Variants in SP140 observed in about 807,000 individuals in gnomAD.
SP140 encodes the protein nuclear body protein SP140.
A neutral mutation model predicts 125.0 loss-of-function variants in SP140; 81 were observed. The ratio of observed to expected loss-of-function variants is 0.65; its 90% CI spans 0.54 to 0.78. The LOEUF is 0.78. SP140 is among the 30% of genes least tolerant of loss of function. The pLI is 0.00. For synonymous variants in SP140, 312 were observed against 354.0 expected, an observed-to-expected ratio of 0.88 and a Z score of 1.33; for missense variants, 858 against 1,037.0, an observed-to-expected ratio of 0.83 and a Z score of 2.37.
intron 14 of SP140, 112 bp from the exon 15 acceptor site, chr2:230,270,474 G>T: frequency 9.1e-7 from 1 of 1,101,424 alleles, no homozygotes; most frequent in Non-Finnish European, 1.3e-6. Flanking sequence ...AGAGAGGAAT[G>T]ATTATCCAAG....
At chr2:230,220,079 C>T (rs888637492) in intron 3 of SP140, 4 of 985,472 alleles carry the variant, frequency 4.1e-6, no homozygotes, top group Non-Finnish European at 4.8e-6. Context: ...CAGGTCGGTG[C>T]CTGCAGCCTC....
intron 3 of SP140, among the ~76,000 whole-genome samples, chr2:230,217,870 T>C (rs2045397918): frequency 6.6e-6 from 1 of 152,218 alleles, no homozygotes; most frequent in East Asian, 1.9e-4. Flanking sequence ...CCTGGTAATA[T>C]TTGGAAACTT....
chr2:230,313,112 C>T lies in SP140; in HGVS notation c.*428C>T. Reference sequence around the variant, plus strand: ...CCCTAAGCCCACATTCTTTCGATAGCTCACGGTGGTGCATGAGTGTCCATC... The same window carrying T: ...CCCTAAGCCCACATTCTTTCGATAGTTCACGGTGGTGCATGAGTGTCCATC... On this transcript the variant is annotated 3_prime_UTR_variant, in exon 27 of 27. Transcript: ENST00000392045. 1 of 181,938 alleles carries T rather than the reference C, an allele frequency of 5.5e-6. No homozygotes were observed. The highest frequency in any genetic ancestry group is 1.1e-5 in the Non-Finnish European group (1 of 88,336). 11.3% of individuals were successfully genotyped at this position (181,938 alleles called of 1,614,324 possible).
intron 15 of SP140, among the ~76,000 whole-genome samples, chr2:230,276,522 T>C (rs1232761286): frequency 6.6e-6 from 1 of 152,178 alleles, no homozygotes; most frequent in East Asian, 1.9e-4. Context: ...CACCTAGTCA[T>C]CCAGGAGCTC....
intron 12 of SP140, among the ~76,000 whole-genome samples, chr2:230,260,383 T>C (rs190372690): frequency 6.6e-6 from 1 of 152,368 alleles, no homozygotes; most frequent in Non-Finnish European, 1.5e-5. Flanking sequence ...TTTCTCCCAC[T>C]CTGTGGGTTG....
intron 15 of SP140, among the ~76,000 whole-genome samples, chr2:230,272,946 A>G (rs2054158874): frequency 6.6e-6 from 1 of 152,242 alleles, no homozygotes; most frequent in Non-Finnish European, 1.5e-5. Context: ...AATTATCTCA[A>G]GACAGATTAA....
chr2:230,306,338 G>A (rs895275245), intron 22 of SP140, among the ~76,000 whole-genome samples: 1 of 152,208 alleles, frequency 6.6e-6, no homozygotes, highest in Non-Finnish European at 1.5e-5. Context: ...GTTGGCTGGG[G>A]CACTGTGCCA....
At chr2:230,205,478 G>A (rs2043667814) in intron 1 of SP140, among the ~76,000 whole-genome samples, 1 of 152,008 alleles carries the variant, frequency 6.6e-6, no homozygotes, top group South Asian at 2.1e-4. Context: ...CCTGTCATCA[G>A]TACTTGAAAT....
At chr2:230,257,806 C>G (rs1461861317) in intron 12 of SP140, among the ~76,000 whole-genome samples, 1 of 152,000 alleles carries the variant, frequency 6.6e-6, no homozygotes. Flanking sequence ...CACTTAATAT[C>G]AAACGAAAGG....
rs1005666794 is a variant in SP140 at position 230,204,605 on chromosome 2, AT to A, written c.-323+1335del. Among the ~76,000 whole-genome samples, 214 of 150,290 alleles carry A rather than the reference AT, an allele frequency of 1.4e-3. 2 individuals are homozygous for A. Among genetic ancestry groups the A allele is most frequent in the African/African-American group, 4.5e-3 (184 of 40,922 alleles). On this transcript the variant is annotated intron_variant, in intron 1 of 4. Transcript: ENST00000456542. ...GGTTACAGAAAGTATGGTTTCTTTC[AT>A]TTTTTTTTCATTAAAAAAAAATTAA... is the stretch of plus-strand genomic sequence containing the variant.
At chr2:230,238,736 G>T (rs1161221176) in intron 3 of SP140, 1 of 1,519,106 alleles carries the variant, frequency 6.6e-7, no homozygotes, top group East Asian at 2.4e-5. Context: ...TATGTTCAAA[G>T]ATAAAACAAT....
rs116352879 is a variant in SP140, at chr2:230,233,745, T to C, written c.60-3338T>C. Among the ~76,000 whole-genome samples, 1,188 of 152,336 alleles carry C rather than the reference T, an allele frequency of 7.8e-3. 16 individuals are homozygous for C. The highest frequency in any genetic ancestry group is 0.026 in the African/African-American group (1,097 of 41,564). ...AAATAAATTAGCCAGAGGATTAGCATTGCTTTACATTTTTATACGTCTTTT... is the reference window on the plus strand; with the variant it reads ...AAATAAATTAGCCAGAGGATTAGCACTGCTTTACATTTTTATACGTCTTTT... On this transcript the variant is annotated intron_variant, in intron 1 of 26. Transcript: ENST00000392045.
chr2:230,200,784 A>G (rs1325277876), upstream of SP140: 1 of 938,510 alleles, frequency 1.1e-6, no homozygotes, highest in Non-Finnish European at 1.8e-6. Context: ...GCACAGTAAT[A>G]ATGAAAAAAA....
intron 17 of SP140, among the ~76,000 whole-genome samples, chr2:230,286,945 T>A (rs2056459224): frequency 6.6e-6 from 1 of 152,236 alleles, no homozygotes; most frequent in African/African-American, 2.4e-5. Context: ...TGGGCCTACA[T>A]GACCCTGATC....
intron 16 of SP140, 47 bp downstream of exon 16, chr2:230,284,458 C>T (rs1394800051): frequency 3.0e-5 from 46 of 1,515,882 alleles, no homozygotes; most frequent in Non-Finnish European, 4.1e-5. Flanking sequence ...TTTATTAGGG[C>T]ACTGTCCATT....
intron 3 of SP140, among the ~76,000 whole-genome samples, chr2:230,240,322 T>A (rs966780633): frequency 3.9e-5 from 6 of 152,060 alleles, no homozygotes; most frequent in Non-Finnish European, 4.4e-5. Flanking sequence ...GTAAGTTAGA[T>A]GTCAACAAAT....
At chr2:230,297,735 C>T (rs1418399906) in intron 22 of SP140, among the ~76,000 whole-genome samples, 1 of 152,198 alleles carries the variant, frequency 6.6e-6, no homozygotes, top group Non-Finnish European at 1.5e-5. Flanking sequence ...CTCCAGACCA[C>T]TGAGGTCTCT....
Position 230,245,098 on chromosome 2 carries a change from G to A in SP140, c.664+18G>A. On this transcript the variant is annotated intron_variant, in intron 6 of 26. Transcript: ENST00000392045. The stretch of plus-strand genomic sequence containing the variant: ...TGGGGGAGGTAATTATGATTTAAAT[G>A]ACCAATTATCTCATTAAATTAGTTG... The A allele has an allele frequency of 1.3e-6, 2 of 1,533,318 alleles. No individual in the cohort carries two copies. Among genetic ancestry groups the A allele is most frequent in the Non-Finnish European group, 9.0e-7 (1 of 1,107,492 alleles). The allele number at this position is 1,533,318 out of a possible 1,614,324, so 95.0% of individuals were successfully genotyped here. A position where few individuals can be genotyped will look rare whatever the true frequency, so the allele number is the denominator to read the frequency against.
chr2:230,200,981 T>A (rs539213557), upstream of SP140: 7 of 1,586,210 alleles, frequency 4.4e-6, no homozygotes, highest in Non-Finnish European at 6.1e-6. Flanking sequence ...AAATGAAAGA[T>A]CTTAGTAAAT....
Sources: allele counts gnomAD v4.1 joint callset (sites outside exome capture counted in the v4.1 genomes callset), GRCh38; gene constraint gnomAD v4.1.1; transcripts MANE v1.5; gene names NCBI Gene and HGNC (gene_info 2026-07-23, HGNC 2026-07-21).